IDUA: variants seen among roughly 807,000 people sequenced by gnomAD.
The protein encoded by IDUA is iduronidase alpha-L-.
In IDUA, 65 loss-of-function variants were observed where a neutral mutation model predicts 68.9. The ratio of observed to expected loss-of-function variants is 0.94; its 90% CI spans 0.77 to 1.16. The LOEUF (loss-of-function observed/expected upper bound fraction) is 1.16. IDUA is among the 50% of genes most tolerant of loss of function. The pLI is 0.00. For missense variants in IDUA, 1,046 were observed against 938.0 expected, an observed-to-expected ratio of 1.12 and a Z score of -1.50; for synonymous variants, 529 against 433.6, an observed-to-expected ratio of 1.22 and a Z score of -2.73.
intron 2 of IDUA, chr4:992,579 TGG>T: frequency 4.7e-6 from 1 of 213,918 alleles, no homozygotes; most frequent in Non-Finnish European, 9.5e-6. Context: ...CAGACAGTTC[TGG>T]GACGTGAGGC....
rs751890705 is a variant in IDUA, at chr4:989,118, G to A, written c.299+1169G>A. The A allele has an allele frequency of 1.1e-5, 17 of 1,605,426 alleles. No individual in the cohort carries two copies. In the Admixed American group the frequency reaches 1.2e-4, roughly 11 times the overall value. ...AGTCGATGACCACTGTGTGGAAGCC[G>A]GCCGCTGCGGGCACCAGCGCAGCCC... On this transcript the variant is annotated intron_variant, in intron 2 of 13. Coordinates refer to ENST00000514224, the MANE Select transcript of IDUA (RefSeq NM_000203.5).
intron 1 of IDUA, 120 bp downstream of exon 1, chr4:987,362 C>T: frequency 9.9e-7 from 1 of 1,011,796 alleles, no homozygotes; most frequent in African/African-American, 1.7e-5. Context: ...CCTGGCTCTC[C>T]CGGGCCCGCC....
Position 1,004,481 on chromosome 4 carries a change from C to A in IDUA, c.*88C>A, listed in dbSNP as rs919679635. 4 of 1,258,424 alleles carry A rather than the reference C, an allele frequency of 3.2e-6. No homozygotes were observed. The highest frequency in any genetic ancestry group is 4.4e-6 in the Non-Finnish European group (4 of 901,334). The allele number at this position is 1,258,424 out of a possible 1,614,324, so 78.0% of individuals were successfully genotyped here. ...TGCCCATGCTGCCCTCCCATCACCC[C>A]CTTTGCAATATATTTTTATATTTTA... On this transcript the variant is annotated 3_prime_UTR_variant, in exon 14 of 14. Transcript: ENST00000514224. The surrounding 1 kb of genome is among the most constrained non-coding windows in gnomAD (Gnocchi z 5.0).
chr4:1,003,700 G>C, intron 12 of IDUA, 75 bp downstream of exon 12: 1 of 1,522,892 alleles, frequency 6.6e-7, no homozygotes, highest in South Asian at 1.1e-5. Flanking sequence ...TCACCCATGC[G>C]GTCACTCGGG....
chr4:988,099 T>C, intron 2 of IDUA, 150 bp downstream of exon 2: 1 of 1,447,008 alleles, frequency 6.9e-7, no homozygotes. Flanking sequence ...CTGGCTGTGC[T>C]GGGGTGAGGG....
intron 8 of IDUA, 52 bp downstream of exon 8, chr4:1,002,537 C>G (rs536648554): frequency 1.4e-6 from 2 of 1,402,804 alleles, no homozygotes; most frequent in Admixed American, 3.0e-5. Flanking sequence ...GGCTGGGGAG[C>G]GGCTCCTGCG....
At chr4:999,712 C>T (rs1714961957) in intron 2 of IDUA, 1 of 142,260 alleles carries the variant, frequency 7.0e-6, no homozygotes, top group Non-Finnish European at 1.5e-5. Flanking sequence ...GGGAATTCAG[C>T]CCATCTGCAA....
At chr4:989,173 T>A in intron 2 of IDUA, 1 of 1,607,176 alleles carries the variant, frequency 6.2e-7, no homozygotes, top group East Asian at 2.2e-5. Flanking sequence ...GTCCTCGCCC[T>A]GGGCAGGGCC....
rs766950553 is a variant in IDUA, at chr4:1,002,001, C to T, written c.812C>T (p.Ser271Phe). 1.9e-5 allele frequency: 31 copies of T among 1,591,218 alleles called. No homozygotes were observed. The highest frequency in any genetic ancestry group is 8.5e-6 in the Non-Finnish European group (10 of 1,170,792). Reference sequence around the variant, plus strand: ...CCGCAGGGTGCGCGCAGCTCCATCTCCATCCTGGAGCAGGAGAAGGTCGTC... The same window carrying T: ...CCGCAGGGTGCGCGCAGCTCCATCTTCATCCTGGAGCAGGAGAAGGTCGTC... ...LHRKGARSSISILEQEKVVAQ... is the reference protein window; with the variant it reads ...LHRKGARSSIFILEQEKVVAQ... Residue 271 changes from serine (S) to phenylalanine (F), a missense_variant, in exon 7 of 14, where the codon TCC (serine) becomes TTC (phenylalanine). Physicochemically the swap from Ser to Phe is radical, Grantham distance 155. Coordinates refer to ENST00000514224, the MANE Select transcript of IDUA (RefSeq NM_000203.5).
intron 2 of IDUA, chr4:991,464 G>A (rs1325853085): frequency 1.2e-6 from 2 of 1,612,592 alleles, no homozygotes; most frequent in Admixed American, 3.3e-5. Context: ...CCAGGATGAT[G>A]CCGATGACCA....
In IDUA at chr4:997,935, G is replaced by A. The variant is rs371066233; in HGVS notation, c.300-2677G>A. Among the ~76,000 whole-genome samples the A allele has an allele frequency of 1.4e-4, 21 of 152,354 alleles. 1 individual carries two copies. In the East Asian group the frequency reaches 3.1e-3, roughly 22 times the overall value. On this transcript the variant is annotated intron_variant, in intron 2 of 13. Coordinates refer to ENST00000514224, the MANE Select transcript of IDUA (RefSeq NM_000203.5). Reference sequence around the variant, plus strand: ...CCCCCCGCTAGGGTCAGGGGCTGCCGGGCTATCGCCTTGGGGTTCTGCAGA... The same window carrying A: ...CCCCCCGCTAGGGTCAGGGGCTGCCAGGCTATCGCCTTGGGGTTCTGCAGA...
rs752252231 is a variant in IDUA, at chr4:991,404, G to T, written c.299+3455G>T. The T allele has an allele frequency of 1.2e-6, 2 of 1,612,862 alleles. No homozygotes were observed. Among genetic ancestry groups the T allele is most frequent in the Non-Finnish European group, 1.7e-6 (2 of 1,179,966 alleles). ...TGGCGAAGAAGGACGTATAGAGGCT[G>T]TAGATGGGCTGCAGCCCGGCCAGCA... On this transcript the variant is annotated intron_variant, in intron 2 of 13. Transcript: ENST00000514224.
chr4:999,930 A>G (rs1490149871), intron 2 of IDUA: 1 of 120,848 alleles, frequency 8.3e-6, no homozygotes, highest in Non-Finnish European at 1.7e-5. Context: ...TCCCTTGAGG[A>G]CGCCTGTCCC....
chr4:1,003,924 G>A, intron 12 of IDUA, 88 bp from the exon 13 acceptor site: 1 of 1,089,646 alleles, frequency 9.2e-7, no homozygotes, highest in South Asian at 1.2e-5. Context: ...AGGGAATGAG[G>A]CTGTGGGTCC....
chr4:997,451 C>T (rs1012992010), intron 2 of IDUA, among the ~76,000 whole-genome samples: 3 of 151,436 alleles, frequency 2.0e-5, no homozygotes, highest in Admixed American at 1.3e-4. Context: ...TCACCAGGCC[C>T]GGCAGCCGCG....
At chr4:997,993 C>T (rs973525934) in intron 2 of IDUA, among the ~76,000 whole-genome samples, 1 of 152,256 alleles carries the variant, frequency 6.6e-6, no homozygotes, top group Non-Finnish European at 1.5e-5. Context: ...TCTTCACTTT[C>T]CTCCAGGTCA....
chr4:1,000,863 C>T lies in IDUA; in HGVS notation c.386-19C>T, dbSNP rs889094166. 2 of 1,601,010 alleles carry T rather than the reference C, an allele frequency of 1.2e-6. No individual in the cohort carries two copies. Among genetic ancestry groups the T allele is most frequent in the Non-Finnish European group, 1.7e-6 (2 of 1,168,914 alleles). On this transcript the variant is annotated intron_variant, in intron 3 of 13. Coordinates refer to ENST00000514224, the MANE Select transcript of IDUA (RefSeq NM_000203.5). Reference sequence around the variant, plus strand: ...GTGTGGTGTGTGGTGGGCGGTGGGGCAGCCCTCCTGTGTTCCAGGGTTTGA... The same window carrying T: ...GTGTGGTGTGTGGTGGGCGGTGGGGTAGCCCTCCTGTGTTCCAGGGTTTGA...
chr4:994,160 C>T (rs755577965), intron 2 of IDUA, among the ~76,000 whole-genome samples: 1 of 152,218 alleles, frequency 6.6e-6, no homozygotes, highest in African/African-American at 2.4e-5. Flanking sequence ...GAATTATTAG[C>T]CAGGCACGAT....
Position 1,001,667 on chromosome 4 carries a change from C to T in IDUA, c.590-12C>T. On this transcript the variant is annotated splice_polypyrimidine_tract_variant and intron_variant, in intron 5 of 13. Transcript: ENST00000514224. ...CCAGGGCAGGTGTAGACGCAGTGCT[C>T]CCCCGGCCCAGGCTTCCTGAACTAC... 1.2e-6 allele frequency: 2 copies of T among 1,602,836 alleles called. No individual in the cohort carries two copies. Among genetic ancestry groups the T allele is most frequent in the Non-Finnish European group, 1.7e-6 (2 of 1,178,748 alleles).
Sources: gnomAD v4.1 joint callset for allele counts (sites outside exome capture counted in the v4.1 genomes callset) on GRCh38, gnomAD v4.1.1 for gene constraint, Gnocchi (gnomAD v3.1) non-coding constraint, MANE v1.5 for transcripts, NCBI Gene and HGNC (gene_info 2026-07-23, HGNC 2026-07-21) for gene names.